HECTD2: variants seen among roughly 807,000 people sequenced by gnomAD.
HECTD2 encodes probable E3 ubiquitin-protein ligase HECTD2.
A neutral mutation model predicts 103.2 loss-of-function variants in HECTD2; 35 were observed. That is an observed-to-expected ratio of 0.34 (90% CI 0.26 to 0.45). The LOEUF (loss-of-function observed/expected upper bound fraction) is 0.45, where lower values mean the gene tolerates loss of function less well. HECTD2 is among the 20% of genes least tolerant of loss of function. The pLI, the probability that HECTD2 is intolerant of heterozygous loss-of-function variation, is 1.00. For missense variants in HECTD2, 596 were observed against 937.4 expected (o/e 0.64, Z 4.76); for synonymous variants, 281 against 329.9 (o/e 0.85, Z 1.61).
chr10:91,418,651 A>G (rs1843227594), intron 1 of HECTD2, among the ~76,000 whole-genome samples: 1 of 152,098 alleles, frequency 6.6e-6, no homozygotes, highest in Admixed American at 6.6e-5. Flanking sequence ...GTAACCCACC[A>G]TCCTAATAGG....
chr10:91,422,369 T>G (rs1172139017), intron 1 of HECTD2, among the ~76,000 whole-genome samples: 1 of 152,194 alleles, frequency 6.6e-6, no homozygotes, highest in African/African-American at 2.4e-5. Context: ...TGTTTACAGC[T>G]AAGTTAACAA....
At chr10:91,423,615 T>C (rs1211373671) in intron 1 of HECTD2, among the ~76,000 whole-genome samples, 2 of 152,146 alleles carry the variant, frequency 1.3e-5, no homozygotes, top group Non-Finnish European at 2.9e-5. Context: ...TAGGTCACTT[T>C]AGGTGAGTCT....
At chr10:91,445,786 G>A (rs1045185461) in intron 2 of HECTD2, among the ~76,000 whole-genome samples, 5 of 152,122 alleles carry the variant, frequency 3.3e-5, no homozygotes, top group African/African-American at 4.8e-5. Context: ...CAAGGGATCA[G>A]AGAAATCCCT....
chr10:91,511,112 G>C (rs1048287652), intron 20 of HECTD2, among the ~76,000 whole-genome samples: 5 of 152,138 alleles, frequency 3.3e-5, no homozygotes, highest in Admixed American at 2.6e-4. Context: ...TCAAAATTTA[G>C]TTTTAAATCT....
chr10:91,456,282 T>G (rs1030620430), intron 2 of HECTD2, among the ~76,000 whole-genome samples: 212 of 152,170 alleles, frequency 1.4e-3, no homozygotes, highest in Middle Eastern at 0.014. Context: ...CCTTGAAGAG[T>G]TCCTTCACAT....
intron 20 of HECTD2, among the ~76,000 whole-genome samples, chr10:91,504,994 A>C (rs1053731340): frequency 4.7e-4 from 72 of 152,288 alleles, no homozygotes; most frequent in African/African-American, 1.7e-3. Flanking sequence ...AAGAATTTTC[A>C]ACCCAGAATT....
chr10:91,463,112 C>T (rs1464512925), intron 5 of HECTD2: 9 of 151,444 alleles, frequency 5.9e-5, no homozygotes, highest in Admixed American at 3.9e-4. Flanking sequence ...AAAAAAAAAT[C>T]TGTGTATAAC....
chr10:91,422,676 T>G (rs1460476225), intron 1 of HECTD2, among the ~76,000 whole-genome samples: 2 of 152,170 alleles, frequency 1.3e-5, no homozygotes, highest in Non-Finnish European at 2.9e-5. Context: ...CTGAACAAAC[T>G]GCTTTAATTT....
intron 8 of HECTD2, chr10:91,483,967 A>C (rs924399748): frequency 5.0e-6 from 1 of 200,760 alleles, no homozygotes; most frequent in Non-Finnish European, 1.0e-5. Flanking sequence ...ACAGCATTTT[A>C]GCACTACACT....
intron 6 of HECTD2, among the ~76,000 whole-genome samples, chr10:91,479,652 ATCT>A (rs1246450178): frequency 5.9e-5 from 9 of 152,182 alleles, no homozygotes; most frequent in Non-Finnish European, 8.8e-5. Context: ...TTGTACAAAA[ATCT>A]TCTTTTCTGA....
In HECTD2 at chr10:91,493,440, G is replaced by A; in HGVS notation, c.1453G>A (p.Asp485Asn). The A allele has an allele frequency of 6.5e-7, 1 of 1,544,608 alleles. No individual in the cohort carries two copies. Among genetic ancestry groups the A allele is most frequent in the Non-Finnish European group, 8.7e-7 (1 of 1,147,358 alleles). The change falls in exon 14 of 21, where the codon GAT becomes AAT. Residue 485 changes from aspartate to asparagine, a missense_variant. By Grantham distance (23) the Asp-to-Asn change is conservative (BLOSUM62 1). Coordinates refer to ENST00000298068, the MANE Select transcript of HECTD2 (RefSeq NM_182765.6). ...PDYGMFTYHK[D>N]SHCHWFSSFK... Reference sequence around the variant, plus strand: ...TTTAGGCATGTTTACATATCACAAGGATTCACACTGCCATTGGTTTAGCAG... The same window carrying A: ...TTTAGGCATGTTTACATATCACAAGAATTCACACTGCCATTGGTTTAGCAG...
At chr10:91,492,536 G>T (rs531434189) in intron 13 of HECTD2, 52 bp downstream of exon 13, 1 of 1,341,366 alleles carries the variant, frequency 7.5e-7, no homozygotes, top group South Asian at 1.2e-5. Context: ...AATTGTTAGA[G>T]TGAAGTAGTC....
intron 2 of HECTD2, among the ~76,000 whole-genome samples, chr10:91,445,816 G>T (rs867202775): frequency 7.2e-5 from 11 of 152,174 alleles, no homozygotes; most frequent in Admixed American, 5.9e-4. Flanking sequence ...AAGGGAAGTC[G>T]TGAGAGACTG....
intron 20 of HECTD2, among the ~76,000 whole-genome samples, chr10:91,508,033 A>G (rs1438413122): frequency 1.6e-5 from 2 of 127,312 alleles, no homozygotes; most frequent in South Asian, 2.3e-4. Context: ...AGGATTCCCT[A>G]TTTAATAAAT....
chr10:91,501,115 A>G, intron 19 of HECTD2, 76 bp from the exon 20 acceptor site: 2 of 1,288,802 alleles, frequency 1.6e-6, no homozygotes, highest in Non-Finnish European at 2.2e-6. Context: ...TCCTTTCCTT[A>G]GAGCTTCCTT....
chr10:91,425,034 T>C (rs1222568170), intron 1 of HECTD2, among the ~76,000 whole-genome samples: 1 of 152,082 alleles, frequency 6.6e-6, no homozygotes, highest in Non-Finnish European at 1.5e-5. Context: ...TTACAGTAAA[T>C]CTATAAGATA....
At chr10:91,419,112 G>T (rs1843249109) in intron 1 of HECTD2, among the ~76,000 whole-genome samples, 1 of 152,040 alleles carries the variant, frequency 6.6e-6, no homozygotes, top group South Asian at 2.1e-4. Flanking sequence ...TCAAGGATTG[G>T]GTTAGAATGT....
rs1272134745 is a variant in HECTD2 at position 91,514,634 on chromosome 10, CTT to C, written c.*2252_*2253del. 2 of 152,522 alleles carry C rather than the reference CTT, an allele frequency of 1.3e-5. No homozygotes were observed. The highest frequency in any genetic ancestry group is 3.9e-4 in the East Asian group (2 of 5,180). The allele number at this position is 152,522 out of a possible 1,614,324, so 9.4% of individuals were successfully genotyped here. On this transcript the variant is annotated 3_prime_UTR_variant, in exon 21 of 21. Coordinates refer to ENST00000298068, the MANE Select transcript of HECTD2 (RefSeq NM_182765.6). ...TAAACATCCTGTCCTTTTTTAAAAT[CTT>C]TGCTTAGTCAGTCATATTTTTGTCT...
rs769765871 is a variant in HECTD2 at position 91,501,351 on chromosome 10, A to G, written c.2210+17A>G. On this transcript the variant is annotated intron_variant, in intron 20 of 20. Transcript: ENST00000298068. ...TACTAACTGGTAAATTTCTGGATCT[A>G]ATTTTATTTTAAATCTAAAGGTTAC... 2.6e-6 allele frequency: 4 copies of G among 1,520,170 alleles called. No homozygotes were observed. The South Asian group carries it at 4.8e-5, about 18-fold the overall frequency. 94.2% of individuals were successfully genotyped at this position (1,520,170 alleles called of 1,614,324 possible).
Sources: gnomAD v4.1 joint callset for allele counts (sites outside exome capture counted in the v4.1 genomes callset) on GRCh38, gnomAD v4.1.1 for gene constraint, MANE v1.5 for transcripts, NCBI Gene and HGNC (gene_info 2026-07-23, HGNC 2026-07-21) for gene names.